TMEM108: variants seen among roughly 807,000 people sequenced by gnomAD.
TMEM108 encodes cancer/testis antigen 124.
In TMEM108, 12 loss-of-function variants were observed where a neutral mutation model predicts 35.1. The observed-to-expected ratio is 0.34, with a 90% CI of 0.22 to 0.55. The LOEUF is 0.55. TMEM108 is among the 20% of genes least tolerant of loss of function. The probability of loss-of-function intolerance (pLI) is 0.89; values close to 1 mark genes in which losing one functional copy is unlikely to be tolerated. For synonymous variants in TMEM108, 287 were observed against 308.6 expected (o/e 0.93, Z 0.73); for missense variants, 680 against 753.3 (o/e 0.90, Z 1.14).
chr3:133,266,871 G>T (rs1946704084), intron 3 of TMEM108, among the ~76,000 whole-genome samples: 1 of 141,702 alleles, frequency 7.1e-6, no homozygotes, highest in Non-Finnish European at 1.5e-5. Context: ...AGGAGATCGA[G>T]ACCATCCTGG....
intron 2 of TMEM108, among the ~76,000 whole-genome samples, chr3:133,204,795 G>A (rs1008138009): frequency 6.6e-6 from 1 of 152,172 alleles, no homozygotes; most frequent in South Asian, 2.1e-4. Context: ...GGGGTGGAGA[G>A]TTCTGTAGAT....
At position 133,315,037 on chromosome 3, in the gene TMEM108, GTTTGTA is replaced by G. The variant is rs1186470507; in HGVS notation, c.41-64714_41-64709del. On this transcript the variant is annotated intron_variant, in intron 3 of 5. Coordinates refer to ENST00000321871, the MANE Select transcript of TMEM108 (RefSeq NM_023943.4). Reference sequence around the variant, plus strand: ...AATCTTGTTTTGTCTCGGTTTTCCTGTTTGTAATATGGAGACAATAGTGGATCCCTA... The same window carrying G: ...AATCTTGTTTTGTCTCGGTTTTCCTGATATGGAGACAATAGTGGATCCCTA... Among the ~76,000 whole-genome samples, 41 of 152,244 alleles carry G rather than the reference GTTTGTA, an allele frequency of 2.7e-4. 1 individual carries two copies. Among genetic ancestry groups the G allele is most frequent in the African/African-American group, 9.4e-4 (39 of 41,546 alleles).
chr3:133,320,845 A>C (rs1252808244), intron 3 of TMEM108, among the ~76,000 whole-genome samples: 1 of 152,230 alleles, frequency 6.6e-6, no homozygotes, highest in Non-Finnish European at 1.5e-5. Context: ...ACAAGCCAGA[A>C]GGGATGGGAG....
At chr3:133,112,436 C>T (rs529661207) in intron 2 of TMEM108, among the ~76,000 whole-genome samples, 10 of 152,210 alleles carry the variant, frequency 6.6e-5, no homozygotes, top group Admixed American at 2.0e-4. Context: ...CCTGTGACAA[C>T]GGTTAGCTTC....
In TMEM108 at chr3:133,140,357, C is replaced by G. The variant is rs534023877; in HGVS notation, c.-46-88909C>G. ...CAATTTACCATGACTTGGCCCTAAACCATATTGATTTAATGAACACAGTCA... is the reference window on the plus strand; with the variant it reads ...CAATTTACCATGACTTGGCCCTAAAGCATATTGATTTAATGAACACAGTCA... On this transcript the variant is annotated intron_variant, in intron 2 of 5. Transcript: ENST00000321871. Among the ~76,000 whole-genome samples, 4 of 152,242 alleles carry G rather than the reference C, an allele frequency of 2.6e-5. 1 individual carries two copies. The highest frequency in any genetic ancestry group is 9.6e-5 in the African/African-American group (4 of 41,544).
rs376566181 is a variant in TMEM108 at position 133,274,153 on chromosome 3, C to T, written c.40+44802C>T. On this transcript the variant is annotated intron_variant, in intron 3 of 5. Transcript: ENST00000321871. ...CAAACAGCTAAAATTATCTGCACAG[C>T]GGATGCATGCCCCACTGCCTTCCCA... Among the ~76,000 whole-genome samples, 7 of 152,162 alleles carry T rather than the reference C, an allele frequency of 4.6e-5. No individual in the cohort carries two copies. The South Asian group carries it at 1.2e-3, about 27-fold the overall frequency.
chr3:133,039,192 G>T (rs1943244408), intron 1 of TMEM108, among the ~76,000 whole-genome samples: 1 of 152,242 alleles, frequency 6.6e-6, no homozygotes, highest in Non-Finnish European at 1.5e-5. Context: ...CTGGTAAATG[G>T]TGAGGAGGGA....
chr3:133,197,702 A>G (rs1945599388), intron 2 of TMEM108, among the ~76,000 whole-genome samples: 1 of 152,128 alleles, frequency 6.6e-6, no homozygotes, highest in Non-Finnish European at 1.5e-5. Context: ...CCAGCATGAT[A>G]TGAGTTGAAG....
chr3:133,209,063 A>G (rs1421272695), intron 2 of TMEM108, among the ~76,000 whole-genome samples: 2 of 152,162 alleles, frequency 1.3e-5, no homozygotes, highest in East Asian at 3.8e-4. Context: ...AAGGCTTTTA[A>G]GAGACAGGGT....
intron 2 of TMEM108, among the ~76,000 whole-genome samples, chr3:133,073,506 C>CTATATATATATATA (rs1235632663): frequency 2.5e-5 from 2 of 78,994 alleles, no homozygotes; most frequent in African/African-American, 6.0e-5. Context: ...CTCTCTCTCT[C>CTATATATATATATA]TCTCTATATA....
At chr3:133,106,175 G>GTTTTT (rs745343008) in intron 2 of TMEM108, among the ~76,000 whole-genome samples, 4 of 89,678 alleles carry the variant, frequency 4.5e-5, no homozygotes, top group East Asian at 7.5e-4. Context: ...GAGGTTAAAG[G>GTTTTT]TTTTTTTTTT....
rs866685820 is a variant in TMEM108, at chr3:133,386,909, A to G, written c.1451-3271A>G. 3.3e-5 allele frequency: 25 copies of G among 748,264 alleles called. No individual in the cohort carries two copies. The Middle Eastern group carries it at 2.0e-3, about 61-fold the overall frequency. 46.4% of individuals were successfully genotyped at this position (748,264 alleles called of 1,614,324 possible). A position where few individuals can be genotyped will look rare whatever the true frequency, so the allele number is the denominator to read the frequency against. ...TATGACCTTCAGTTACCTGTTCTGA[A>G]AATGGGAAGAGCAATAGTGCCTTCC... On this transcript the variant is annotated intron_variant, in intron 4 of 5. Coordinates refer to ENST00000321871, the MANE Select transcript of TMEM108 (RefSeq NM_023943.4).
chr3:133,161,974 A>G (rs575548394), intron 2 of TMEM108, among the ~76,000 whole-genome samples: 14 of 152,312 alleles, frequency 9.2e-5, no homozygotes, highest in Admixed American at 2.0e-4. Context: ...ATTGAAACCT[A>G]GAGTGAAGTT....
chr3:133,046,804 T>G (rs1943344912), intron 2 of TMEM108, among the ~76,000 whole-genome samples: 1 of 152,030 alleles, frequency 6.6e-6, no homozygotes, highest in South Asian at 2.1e-4. Flanking sequence ...AAATTATGAT[T>G]CATATAAATA....
At chr3:133,252,336 A>G (rs1392339438) in intron 3 of TMEM108, among the ~76,000 whole-genome samples, 1 of 152,190 alleles carries the variant, frequency 6.6e-6, no homozygotes, top group Non-Finnish European at 1.5e-5. Context: ...GGCACCATTC[A>G]CATTCTAAGC....
chr3:133,251,900 T>C (rs1946477634), intron 3 of TMEM108, among the ~76,000 whole-genome samples: 1 of 152,196 alleles, frequency 6.6e-6, no homozygotes, highest in South Asian at 2.1e-4. Flanking sequence ...TAAGACAGAC[T>C]GTCAAGCATT....
At chr3:133,326,075 T>C (rs1448573330) in intron 3 of TMEM108, among the ~76,000 whole-genome samples, 1 of 152,170 alleles carries the variant, frequency 6.6e-6, no homozygotes, top group Non-Finnish European at 1.5e-5. Flanking sequence ...ATTCCCAATT[T>C]TATAGATGAA....
chr3:133,094,221 A>ACCCCCCCCCCCCCC (rs1559830325), intron 2 of TMEM108, among the ~76,000 whole-genome samples: 5 of 34,336 alleles, frequency 1.5e-4, no homozygotes, highest in Non-Finnish European at 3.0e-4. Context: ...CCCACCTCCC[A>ACCCCCCCCCCCCCC]CCCCACCCCC....
intron 3 of TMEM108, among the ~76,000 whole-genome samples, chr3:133,268,290 G>A (rs1001653348): frequency 6.6e-6 from 1 of 152,198 alleles, no homozygotes; most frequent in Non-Finnish European, 1.5e-5. Flanking sequence ...CCCATATCAG[G>A]GCAGTTGTGG....
Sources: allele counts gnomAD v4.1 joint callset (sites outside exome capture counted in the v4.1 genomes callset), GRCh38; gene constraint gnomAD v4.1.1; transcripts MANE v1.5; gene names NCBI Gene and HGNC (gene_info 2026-07-23, HGNC 2026-07-21).